Variants in ZNF208 observed in about 807,000 individuals in gnomAD.
ZNF208 encodes the protein zinc finger protein 208, also known as zinc finger protein 95.
In ZNF208, 10 loss-of-function variants were observed where a neutral mutation model predicts 12.1. The ratio of observed to expected loss-of-function variants is 0.83; its 90% CI spans 0.51 to 1.40. The LOEUF is 1.40. Ranked by LOEUF, ZNF208 falls within the 40% of genes most tolerant of loss-of-function variation. The pLI, the probability that ZNF208 is intolerant of heterozygous loss-of-function variation, is 0.00. For missense variants in ZNF208, 1,652 were observed against 1,485.0 expected, an observed-to-expected ratio of 1.11 and a Z score of -1.85; for synonymous variants, 497 against 488.4, an observed-to-expected ratio of 1.02 and a Z score of -0.23.
chr19:21,979,148 C>T (rs1970488801), intron 3 of ZNF208, among the ~76,000 whole-genome samples: 1 of 152,156 alleles, frequency 6.6e-6, no homozygotes, highest in Non-Finnish European at 1.5e-5. Flanking sequence ...AGTAGGAAAA[C>T]ACTCTTCAGG....
At chr19:21,988,986 G>A in intron 1 of ZNF208, 77 bp from the exon 2 acceptor site, 1 of 1,573,896 alleles carries the variant, frequency 6.4e-7, no homozygotes, top group Non-Finnish European at 8.6e-7. Context: ...AAAATGCAGA[G>A]AGTAAAGAGA....
At chr19:21,943,021 A>C (rs1164462299) in intron 4 of ZNF208, among the ~76,000 whole-genome samples, 2 of 152,166 alleles carry the variant, frequency 1.3e-5, no homozygotes, top group East Asian at 3.9e-4. Flanking sequence ...GCTTGTAGTA[A>C]CTCGAAACGT....
chr19:21,989,510 C>G (rs1000576862), intron 1 of ZNF208, among the ~76,000 whole-genome samples: 28 of 151,980 alleles, frequency 1.8e-4, no homozygotes, highest in African/African-American at 6.3e-4. Flanking sequence ...GGTTCCAAGT[C>G]TTTGCTATTG....
chr19:21,956,730 G>A (rs906220825), intron 4 of ZNF208, among the ~76,000 whole-genome samples: 7 of 152,228 alleles, frequency 4.6e-5, no homozygotes, highest in East Asian at 1.9e-4. Flanking sequence ...TCCAGGTACA[G>A]TCTGTCACAG....
At chr19:22,008,046 T>C (rs1599636168) in intron 1 of ZNF208, among the ~76,000 whole-genome samples, 1 of 145,986 alleles carries the variant, frequency 6.8e-6, no homozygotes, top group East Asian at 2.0e-4. Flanking sequence ...GGCTCACACC[T>C]GTAATCCCAC....
At chr19:21,996,803 T>C (rs932073636) in intron 1 of ZNF208, among the ~76,000 whole-genome samples, 6 of 152,150 alleles carry the variant, frequency 3.9e-5, no homozygotes, top group African/African-American at 1.4e-4. Flanking sequence ...CACAAGTCAT[T>C]GAAAGAGGTA....
At chr19:21,982,651 G>A (rs1311566514) in intron 3 of ZNF208, among the ~76,000 whole-genome samples, 1 of 152,074 alleles carries the variant, frequency 6.6e-6, no homozygotes, top group African/African-American at 2.4e-5. Flanking sequence ...GTATGGTACT[G>A]GTATCAAAGC....
intron 4 of ZNF208, among the ~76,000 whole-genome samples, chr19:21,954,287 G>C (rs1361978935): frequency 6.6e-6 from 1 of 152,178 alleles, no homozygotes; most frequent in South Asian, 2.1e-4. Flanking sequence ...GTGTGATGTG[G>C]TGCTGAGAAG....
Position 21,988,879 on chromosome 19 carries a change from C to T in ZNF208, c.34G>A (p.Glu12Lys). Reference sequence around the variant, plus strand: ...CATTGCCACTCCTCCAGAGAGAATTCTATGGCCACATCCCTAAATGTCAAT... The same window carrying T: ...CATTGCCACTCCTCCAGAGAGAATTTTATGGCCACATCCCTAAATGTCAAT... ...GSLTFRDVAI[E>K]FSLEEWQCLD... The change falls in exon 2 of 4, where the codon GAA (glutamate) becomes AAA (lysine). Residue 12 changes from glutamate to lysine, a missense_variant. By Grantham distance (56) the Glu-to-Lys change is moderately conservative. This residue lies in a region of ZNF208 where 410 missense variants were observed against 378.2 expected (regional missense o/e 1.08). Coordinates refer to ENST00000397126, the MANE Select transcript of ZNF208 (RefSeq NM_007153.3). 6.2e-7 allele frequency: 1 copy of T among 1,614,114 alleles called. No individual in the cohort carries two copies. The highest frequency in any genetic ancestry group is 1.7e-5 in the Admixed American group (1 of 60,026).
intron 1 of ZNF208, chr19:22,009,698 G>A (rs144485489): frequency 1.4e-5 from 2 of 147,688 alleles, no homozygotes; most frequent in East Asian, 4.0e-4. Flanking sequence ...AGTGAGCCCA[G>A]ATGGCGCCAC....
intron 3 of ZNF208, 21 bp downstream of exon 3, chr19:21,987,195 T>A: frequency 1.2e-6 from 2 of 1,604,078 alleles, no homozygotes; most frequent in Non-Finnish European, 1.7e-6. Context: ...ATCCATGTTG[T>A]CTGTATTCAC....
chr19:21,985,302 C>A (rs1287205347), intron 3 of ZNF208, among the ~76,000 whole-genome samples: 3 of 152,138 alleles, frequency 2.0e-5, no homozygotes, highest in Non-Finnish European at 4.4e-5. Context: ...GGGAACCAGG[C>A]ATCATGGTTA....
Position 22,010,904 on chromosome 19 carries a change from G to A in ZNF208, c.-110C>T. The A allele has an allele frequency of 3.9e-6, 6 of 1,519,798 alleles. No individual in the cohort carries two copies. Among genetic ancestry groups the A allele is most frequent in the Non-Finnish European group, 5.5e-6 (6 of 1,098,110 alleles). The allele number at this position is 1,519,798 out of a possible 1,614,324, so 94.1% of individuals were successfully genotyped here. Reference sequence around the variant, plus strand: ...AGGAGCAGAGGACACACAGCAGTAAGGACGAGACCTTGACCTCCGGCTGCA... The same window carrying A: ...AGGAGCAGAGGACACACAGCAGTAAAGACGAGACCTTGACCTCCGGCTGCA... On this transcript the variant is annotated 5_prime_UTR_variant, in exon 1 of 4. Transcript: ENST00000397126.
intron 4 of ZNF208, among the ~76,000 whole-genome samples, chr19:21,952,034 C>T (rs1039556207): frequency 5.9e-5 from 9 of 152,236 alleles, no homozygotes; most frequent in Admixed American, 5.9e-4. Context: ...ACCCACAGAG[C>T]CTTGCTCACT....
chr19:21,986,799 C>CA (rs992823153), intron 3 of ZNF208: 27 of 370,688 alleles, frequency 7.3e-5, no homozygotes, highest in Middle Eastern at 6.8e-4. Flanking sequence ...GAAAAATGAA[C>CA]AAAAAAACCC....
In ZNF208 at chr19:21,972,158, G is replaced by T; in HGVS notation, c.2876C>A (p.Thr959Asn). 1 of 1,609,496 alleles carries T rather than the reference G, an allele frequency of 6.2e-7. No homozygotes were observed. Among genetic ancestry groups the T allele is most frequent in the South Asian group, 1.1e-5 (1 of 90,798 alleles). ...ACGKAYKSSS[T>N]LSYHKKIHTE... Reference sequence around the variant, plus strand: ...ATGAATTTTCTTATGATAACTAAGGGTTGAGGATGACTTATAGGCTTTGCC... The same window carrying T: ...ATGAATTTTCTTATGATAACTAAGGTTTGAGGATGACTTATAGGCTTTGCC... The change falls in exon 4 of 4, where the codon ACC becomes AAC. Residue 959 changes from threonine (T) to asparagine (N), a missense_variant. Thr to Asn is a moderately conservative substitution (Grantham distance 65, BLOSUM62 0). Transcript: ENST00000397126.
At position 21,974,047 on chromosome 19, in the gene ZNF208, A is replaced by C; in HGVS notation, c.987T>G (p.Ile329Met). ...GKAFSKVSTL[I>M]THKAIHAGEK... Reference sequence around the variant, plus strand: ...CTCCAGCATGAATTGCCTTATGTGTAATAAGGGTTGAGACCTTACTGAAGG... The same window carrying C: ...CTCCAGCATGAATTGCCTTATGTGTCATAAGGGTTGAGACCTTACTGAAGG... Residue 329 changes from isoleucine (I) to methionine (M), a missense_variant, in exon 4 of 4, where the codon ATT becomes ATG. Transcript: ENST00000397126. The C allele has an allele frequency of 7.5e-7, 1 of 1,325,564 alleles. No individual in the cohort carries two copies. Among genetic ancestry groups the C allele is most frequent in the Non-Finnish European group, 1.0e-6 (1 of 996,094 alleles). 82.1% of individuals were successfully genotyped at this position (1,325,564 alleles called of 1,614,324 possible). A position where few individuals can be genotyped will look rare whatever the true frequency, so the allele number is the denominator to read the frequency against.
At chr19:21,984,927 T>C (rs1970609035) in intron 3 of ZNF208, among the ~76,000 whole-genome samples, 1 of 152,226 alleles carries the variant, frequency 6.6e-6, no homozygotes, top group African/African-American at 2.4e-5. Context: ...ACATATACTT[T>C]AACATGTATA....
At chr19:22,003,023 A>G (rs2145584281) in intron 1 of ZNF208, among the ~76,000 whole-genome samples, 1 of 152,278 alleles carries the variant, frequency 6.6e-6, no homozygotes, top group South Asian at 2.1e-4. Flanking sequence ...GCAACAGAAT[A>G]GGGAGCCCAG....
Sources: allele counts gnomAD v4.1 joint callset (sites outside exome capture counted in the v4.1 genomes callset), GRCh38; gene constraint gnomAD v4.1.1; regional missense constraint gnomAD v4.1.1; transcripts MANE v1.5; gene names NCBI Gene and HGNC (gene_info 2026-07-23, HGNC 2026-07-21).